Variants in LGSN observed in about 807,000 individuals in gnomAD.
The protein encoded by LGSN is lengsin.
LGSN carries 21 observed loss-of-function variants against 19.5 expected under a neutral mutation model. The observed-to-expected ratio is 1.07, with a 90% CI of 0.76 to 1.55. The LOEUF (loss-of-function observed/expected upper bound fraction) is 1.55. LGSN is among the 40% of genes most tolerant of loss of function. The probability of loss-of-function intolerance (pLI) is 0.00; values close to 1 mark genes in which losing one functional copy is unlikely to be tolerated. For synonymous variants in LGSN, 257 were observed against 215.6 expected, an observed-to-expected ratio of 1.19 and a Z score of -1.68; for missense variants, 673 against 608.5, an observed-to-expected ratio of 1.11 and a Z score of -1.12.
chr6:63,316,741 T>C (rs1562021173), intron 1 of LGSN, among the ~76,000 whole-genome samples: 1 of 151,770 alleles, frequency 6.6e-6, no homozygotes. Context: ...AAAAGACATG[T>C]AGAAAAAATT....
upstream of LGSN, among the ~76,000 whole-genome samples, chr6:63,323,676 T>C (rs1326900929): frequency 6.6e-6 from 1 of 150,740 alleles, no homozygotes; most frequent in Non-Finnish European, 1.5e-5. Context: ...TTAACATAAA[T>C]AGCATTTTTT....
chr6:63,356,392 A>C, the LGSN span, among the ~76,000 whole-genome samples: 1 of 151,960 alleles, frequency 6.6e-6, no homozygotes, highest in Non-Finnish European at 1.5e-5. Context: ...AAATACAAAA[A>C]TTAGCTGGGT....
chr6:63,319,553 T>C (rs1769007345), intron 1 of LGSN, among the ~76,000 whole-genome samples: 1 of 152,206 alleles, frequency 6.6e-6, no homozygotes, highest in Non-Finnish European at 1.5e-5. Context: ...GCATATTTAT[T>C]AGAAAGAGGC....
the LGSN span, among the ~76,000 whole-genome samples, chr6:63,511,176 A>G: frequency 1.3e-5 from 2 of 151,834 alleles, no homozygotes; most frequent in African/African-American, 4.8e-5. Flanking sequence ...AGATGATAAG[A>G]TGAGCCCAAT....
At chr6:63,424,604 T>A in the LGSN span, among the ~76,000 whole-genome samples, 1 of 151,460 alleles carries the variant, frequency 6.6e-6, no homozygotes, top group Non-Finnish European at 1.5e-5. Context: ...GACTAATAAC[T>A]AGAATATAAA....
the LGSN span, among the ~76,000 whole-genome samples, chr6:63,533,994 C>T: frequency 2.0e-5 from 3 of 151,964 alleles, no homozygotes; most frequent in Non-Finnish European, 2.9e-5. Context: ...CAGGTGCACA[C>T]CACCATGCCT....
the LGSN span, among the ~76,000 whole-genome samples, chr6:63,520,630 CAAATAAATAAATAAATAAAT>C: frequency 5.0e-5 from 7 of 139,078 alleles, no homozygotes; most frequent in Admixed American, 7.2e-5. Flanking sequence ...GACTCTGTCT[CAAATAAATAAATAAATAAAT>C]AAATAAATAA....
chr6:63,420,072 A>G, the LGSN span, among the ~76,000 whole-genome samples: 1,539 of 151,548 alleles, frequency 0.01, 11 homozygotes, highest in Non-Finnish European at 0.015. Context: ...GCATGATGGC[A>G]GGCTCCTGTA....
At chr6:63,380,086 C>T in the LGSN span, among the ~76,000 whole-genome samples, 1 of 152,170 alleles carries the variant, frequency 6.6e-6, no homozygotes, top group Non-Finnish European at 1.5e-5. Context: ...TGATCCACCG[C>T]CTTGGCCTCC....
At chr6:63,358,977 A>G in the LGSN span, among the ~76,000 whole-genome samples, 2 of 152,258 alleles carry the variant, frequency 1.3e-5, no homozygotes, top group Non-Finnish European at 2.9e-5. Flanking sequence ...GTTTGTCATA[A>G]ATAGCTGTTA....
intron 1 of LGSN, among the ~76,000 whole-genome samples, chr6:63,298,736 T>C (rs1314987127): frequency 2.0e-5 from 3 of 152,210 alleles, no homozygotes; most frequent in African/African-American, 7.2e-5. Flanking sequence ...AAAATTATAG[T>C]GGAATGCTCC....
chr6:63,412,717 A>AGGAAGGAAGGAAGGAAGGAC, the LGSN span, among the ~76,000 whole-genome samples: 1,772 of 86,466 alleles, frequency 0.02, 209 homozygotes, highest in African/African-American at 0.088. Context: ...GAGGGAAGGA[A>AGGAAGGAAGGAAGGAAGGAC]GGAAAGAAAG....
At chr6:63,499,572 A>G in the LGSN span, among the ~76,000 whole-genome samples, 5 of 152,104 alleles carry the variant, frequency 3.3e-5, no homozygotes, top group Non-Finnish European at 5.9e-5. Context: ...CATTTGAATA[A>G]GAGATAGTTC....
chr6:63,441,448 G>T, the LGSN span: 1 of 450,646 alleles, frequency 2.2e-6, no homozygotes. Flanking sequence ...CCTGGCCAAG[G>T]TGGCAGGTGA....
the LGSN span, among the ~76,000 whole-genome samples, chr6:63,472,306 A>G: frequency 6.6e-6 from 1 of 152,226 alleles, no homozygotes; most frequent in Admixed American, 6.5e-5. Flanking sequence ...GTGGGTAAAG[A>G]AATGTTATCA....
the LGSN span, among the ~76,000 whole-genome samples, chr6:63,452,699 T>C: frequency 1.8e-4 from 28 of 151,962 alleles, no homozygotes; most frequent in Non-Finnish European, 3.4e-4. Flanking sequence ...TCTGTCAGTC[T>C]GGCTACAAGT....
the LGSN span, among the ~76,000 whole-genome samples, chr6:63,505,739 A>C: frequency 6.6e-6 from 1 of 152,030 alleles, no homozygotes; most frequent in South Asian, 2.1e-4. Flanking sequence ...GGCTCACTGC[A>C]ACCTCTTCCT....
the LGSN span, among the ~76,000 whole-genome samples, chr6:63,550,946 C>A: frequency 2.6e-5 from 4 of 151,944 alleles, no homozygotes; most frequent in East Asian, 7.7e-4. Flanking sequence ...TTTCAAATAA[C>A]CTTTATTTTT....
chr6:63,380,845 AT>A, the LGSN span, among the ~76,000 whole-genome samples: 1 of 152,170 alleles, frequency 6.6e-6, no homozygotes, highest in African/African-American at 2.4e-5. Context: ...TTTGATCTCA[AT>A]TTGCAGAAAG....
Sources: gnomAD v4.1 joint callset for allele counts (sites outside exome capture counted in the v4.1 genomes callset) on GRCh38, gnomAD v4.1.1 for gene constraint, MANE v1.5 for transcripts, NCBI Gene and HGNC (gene_info 2026-07-23, HGNC 2026-07-21) for gene names.